Variants in RBMS3 observed in about 807,000 individuals in gnomAD.
RBMS3 encodes the protein RNA binding motif single stranded interacting protein 3.
Under a neutral mutation model 66.8 loss-of-function variants are expected in RBMS3, and 27 were observed. The ratio of observed to expected loss-of-function variants is 0.40; its 90% CI spans 0.30 to 0.56. RBMS3 has a LOEUF of 0.56. Among genes scored for constraint, RBMS3 ranks in the 20% least tolerant of loss-of-function variants. RBMS3 has a pLI of 0.40. For missense variants in RBMS3, 513 were observed against 549.5 expected (o/e 0.93, Z 0.66); for synonymous variants, 188 against 183.0 (o/e 1.03, Z -0.22).
At chr3:29,456,832 A>C (rs1442554802) in intron 2 of RBMS3, among the ~76,000 whole-genome samples, 1 of 152,226 alleles carries the variant, frequency 6.6e-6, no homozygotes, top group Non-Finnish European at 1.5e-5. Context: ...TCCTGACAAT[A>C]CACAGGTGAA....
intron 6 of RBMS3, among the ~76,000 whole-genome samples, chr3:29,772,219 G>C (rs1208485631): frequency 1.3e-5 from 2 of 151,980 alleles, no homozygotes; most frequent in Non-Finnish European, 2.9e-5. Flanking sequence ...CTGACACCTT[G>C]ATTTTAGCCC....
chr3:29,849,547 C>G (rs1170435553), intron 6 of RBMS3, among the ~76,000 whole-genome samples: 3 of 151,036 alleles, frequency 2.0e-5, no homozygotes, highest in Non-Finnish European at 4.4e-5. Flanking sequence ...AAAAGCAGGC[C>G]AACTAAAGGT....
chr3:29,359,723 A>C (rs1408196819), intron 1 of RBMS3, among the ~76,000 whole-genome samples: 5 of 151,976 alleles, frequency 3.3e-5, no homozygotes, highest in African/African-American at 1.2e-4. Context: ...TCAATTTCAG[A>C]GCCTGTTATT....
Position 29,971,544 on chromosome 3 carries a change from C to T in RBMS3, c.1099-16599C>T, listed in dbSNP as rs546655298. Among the ~76,000 whole-genome samples the T allele has an allele frequency of 2.0e-5, 3 of 152,030 alleles. No homozygotes were observed. The South Asian group carries it at 6.2e-4, about 32-fold the overall frequency. On this transcript the variant is annotated intron_variant, in intron 12 of 14. Coordinates refer to ENST00000383767, the MANE Select transcript of RBMS3 (RefSeq NM_001003793.3). ...AATTATTCAATTTAAAAAAAGAAGCCTGCTTTTTTAACGGACTTTATTCTC... is the reference window on the plus strand; with the variant it reads ...AATTATTCAATTTAAAAAAAGAAGCTTGCTTTTTTAACGGACTTTATTCTC...
intron 8 of RBMS3, among the ~76,000 whole-genome samples, chr3:29,895,682 A>C (rs931997966): frequency 1.3e-5 from 2 of 151,608 alleles, no homozygotes; most frequent in South Asian, 4.1e-4. Flanking sequence ...GCATGAATAA[A>C]GTCTGTATAA....
intron 10 of RBMS3, among the ~76,000 whole-genome samples, chr3:29,921,509 G>C (rs1248131533): frequency 8.6e-6 from 1 of 116,030 alleles, no homozygotes; most frequent in Admixed American, 9.6e-5. Context: ...GGGTGGGGGG[G>C]CTGGGGGTGC....
intron 1 of RBMS3, among the ~76,000 whole-genome samples, chr3:29,325,897 C>T (rs1016109872): frequency 1.3e-5 from 2 of 152,128 alleles, no homozygotes; most frequent in African/African-American, 4.8e-5. Context: ...TCTTTAACTT[C>T]ATTCTTCTCC....
chr3:29,727,186 C>A (rs555035024), intron 4 of RBMS3, among the ~76,000 whole-genome samples: 4 of 152,136 alleles, frequency 2.6e-5, no homozygotes, highest in Admixed American at 2.0e-4. Flanking sequence ...AATCTGGACC[C>A]CTTTCTTACA....
intron 1 of RBMS3, among the ~76,000 whole-genome samples, chr3:29,392,162 A>G (rs1027194911): frequency 1.3e-5 from 2 of 152,166 alleles, no homozygotes; most frequent in African/African-American, 4.8e-5. Flanking sequence ...AGGCATGAGA[A>G]TCACTTGAAC....
intron 6 of RBMS3, among the ~76,000 whole-genome samples, chr3:29,822,765 G>A (rs1420455977): frequency 6.6e-6 from 1 of 152,104 alleles, no homozygotes; most frequent in Non-Finnish European, 1.5e-5. Flanking sequence ...AACCTTAGCA[G>A]GCCTTCATTA....
At chr3:29,433,562 A>G (rs2125722669) in intron 1 of RBMS3, among the ~76,000 whole-genome samples, 1 of 152,264 alleles carries the variant, frequency 6.6e-6, no homozygotes, top group African/African-American at 2.4e-5. Flanking sequence ...AAAATCTTCT[A>G]ACTTAAGAGA....
At chr3:29,761,479 C>T (rs545146295) in intron 5 of RBMS3, among the ~76,000 whole-genome samples, 26 of 152,162 alleles carry the variant, frequency 1.7e-4, no homozygotes, top group Admixed American at 9.8e-4. Context: ...TAAGGACGCA[C>T]GCCCTCCAAG....
At chr3:29,570,713 A>G (rs1004742819) in intron 3 of RBMS3, among the ~76,000 whole-genome samples, 1 of 152,068 alleles carries the variant, frequency 6.6e-6, no homozygotes, top group African/African-American at 2.4e-5. Context: ...CATTTTCTTT[A>G]TCCATTCATC....
At chr3:29,734,173 C>A (rs1000621437) in intron 4 of RBMS3, among the ~76,000 whole-genome samples, 4 of 152,006 alleles carry the variant, frequency 2.6e-5, no homozygotes, top group Non-Finnish European at 5.9e-5. Context: ...TGTTCTCACT[C>A]ATATGCAGGA....
chr3:29,687,294 G>A (rs1197159847), intron 4 of RBMS3, among the ~76,000 whole-genome samples: 1 of 152,168 alleles, frequency 6.6e-6, no homozygotes, highest in African/African-American at 2.4e-5. Context: ...AACCCCTTTA[G>A]AATATAGCTT....
chr3:29,570,032 G>T (rs1455572121), intron 3 of RBMS3, among the ~76,000 whole-genome samples: 1 of 151,914 alleles, frequency 6.6e-6, no homozygotes, highest in African/African-American at 2.4e-5. Context: ...ATATCATTTT[G>T]GCTAAAATAA....
In RBMS3 at chr3:29,623,314, C is replaced by T. The variant is rs140722054; in HGVS notation, c.399+36109C>T. ...ACATTATAAAAGTATAAAAGTCGGC[C>T]GGGCGCGGTGGCTCACGCCTGTAAT... is the stretch of plus-strand genomic sequence containing the variant. On this transcript the variant is annotated intron_variant, in intron 4 of 14. Coordinates refer to ENST00000383767, the MANE Select transcript of RBMS3 (RefSeq NM_001003793.3). 2.9e-3 allele frequency among the ~76,000 whole-genome samples: 446 copies of T among 152,054 alleles called. 3 individuals carry two copies. The highest frequency in any genetic ancestry group is 0.01 in the African/African-American group (428 of 41,458).
chr3:29,290,784 T>C lies in RBMS3; in HGVS notation c.75+9028T>C, dbSNP rs182938757. 224 of 151,980 alleles carry C rather than the reference T, an allele frequency of 1.5e-3. 1 individual carries two copies. Among genetic ancestry groups the C allele is most frequent in the African/African-American group, 5.1e-3 (211 of 41,532 alleles). 9.4% of individuals were successfully genotyped at this position (151,980 alleles called of 1,614,324 possible). On this transcript the variant is annotated intron_variant, in intron 1 of 14. Coordinates refer to ENST00000383767, the MANE Select transcript of RBMS3 (RefSeq NM_001003793.3). ...AAACACAAGAAAAGGCCAGTGGGAA[T>C]AGATGAAAGAACATGCAGGAATTTC...
intron 6 of RBMS3, among the ~76,000 whole-genome samples, chr3:29,781,811 G>A (rs1011737215): frequency 2.6e-5 from 4 of 151,934 alleles, no homozygotes; most frequent in African/African-American, 7.3e-5. Context: ...GAGTGAGACT[G>A]GCCTTTAGTA....
Sources: gnomAD v4.1 joint callset for allele counts (sites outside exome capture counted in the v4.1 genomes callset) on GRCh38, gnomAD v4.1.1 for gene constraint, MANE v1.5 for transcripts, NCBI Gene and HGNC (gene_info 2026-07-23, HGNC 2026-07-21) for gene names.